The following SBNO2 variants were observed in gnomAD, a reference collection of about 807,000 sequenced individuals.
SBNO2 encodes the protein strawberry notch homolog 2, also known as protein strawberry notch homolog 2.
Under a neutral mutation model 146.3 loss-of-function variants are expected in SBNO2, and 89 were observed. The observed-to-expected ratio is 0.61, with a 90% CI of 0.51 to 0.73. The LOEUF (loss-of-function observed/expected upper bound fraction) is 0.73. Among genes scored for constraint, SBNO2 ranks in the 30% least tolerant of loss-of-function variants. SBNO2 has a pLI of 0.00. For synonymous variants in SBNO2, 1,147 were observed against 892.6 expected (o/e 1.29, Z -5.08); for missense variants, 2,092 against 2,003.7 (o/e 1.04, Z -0.84).
intron 1 of SBNO2, among the ~76,000 whole-genome samples, chr19:1,170,471 C>T (rs928532556): frequency 6.6e-6 from 1 of 152,132 alleles, no homozygotes. Context: ...CAGGCCAGGA[C>T]GAGAACCAGG....
intron 2 of SBNO2, among the ~76,000 whole-genome samples, chr19:1,153,627 T>G (rs1301177375): frequency 1.3e-5 from 2 of 151,938 alleles, no homozygotes; most frequent in South Asian, 2.1e-4. Context: ...AGCCTCTGCC[T>G]CCTAGATTTA....
At chr19:1,117,598 C>G in intron 14 of SBNO2, 99 bp from the exon 15 acceptor site, 1 of 1,277,992 alleles carries the variant, frequency 7.8e-7, no homozygotes, top group East Asian at 2.5e-5. Flanking sequence ...GGCATCCCCA[C>G]GCCAGGTGGA....
intron 4 of SBNO2, among the ~76,000 whole-genome samples, chr19:1,135,618 C>T (rs979917344): frequency 1.3e-5 from 2 of 152,238 alleles, no homozygotes; most frequent in East Asian, 1.9e-4. Flanking sequence ...TCTCTCCCTC[C>T]GCCTCTGTCC....
chr19:1,119,673 G>A lies in SBNO2; in HGVS notation c.1268-52C>T, dbSNP rs1039474163. 138 of 1,469,420 alleles carry A rather than the reference G, an allele frequency of 9.4e-5. 1 individual carries two copies. In the Admixed American group the frequency reaches 1.7e-3, roughly 18 times the overall value. The allele number at this position is 1,469,420 out of a possible 1,614,324, so 91.0% of individuals were successfully genotyped here. A position where few individuals can be genotyped will look rare whatever the true frequency, so the allele number is the denominator to read the frequency against. On this transcript the variant is annotated intron_variant, in intron 12 of 31. Transcript: ENST00000361757. ...CCCAACCCGGGAGGGCCCAGAGGCC[G>A]CGTCAGGGGACGACTAAGTTGGGAC...
chr19:1,144,091 C>T lies in SBNO2; in HGVS notation c.279+3218G>A, dbSNP rs904802581. ...TCAGGTCTGGGCTCCTTCCTGGCTC[C>T]GCAGAACCACGCGGCCCAGCCCACA... On this transcript the variant is annotated intron_variant, in intron 4 of 31. Transcript: ENST00000361757. The surrounding 1 kb of genome is among the most constrained non-coding windows in gnomAD (Gnocchi z 4.1). Among the ~76,000 whole-genome samples, 3 of 152,192 alleles carry T rather than the reference C, an allele frequency of 2.0e-5. No homozygotes were observed. The highest frequency in any genetic ancestry group is 7.2e-5 in the African/African-American group (3 of 41,444).
chr19:1,164,041 C>G (rs1051644034), intron 1 of SBNO2, among the ~76,000 whole-genome samples: 1 of 152,236 alleles, frequency 6.6e-6, no homozygotes, highest in Non-Finnish European at 1.5e-5. Context: ...AAGGACCTCC[C>G]TCCAGGTGGG....
intron 15 of SBNO2, 140 bp downstream of exon 15, chr19:1,117,183 G>A (rs2079842766): frequency 9.0e-6 from 8 of 891,448 alleles, no homozygotes; most frequent in Non-Finnish European, 1.3e-5. Flanking sequence ...ATTGGAAGAC[G>A]GACATCCGGG....
At chr19:1,162,175 T>C (rs1231453683) in intron 1 of SBNO2, among the ~76,000 whole-genome samples, 7 of 7,272 alleles carry the variant, frequency 9.6e-4, no homozygotes, top group Admixed American at 5.8e-3. Context: ...TTTAAAATAA[T>C]ACAGCCGGGA....
At chr19:1,135,476 A>G (rs1192763937) in intron 4 of SBNO2, among the ~76,000 whole-genome samples, 9 of 152,252 alleles carry the variant, frequency 5.9e-5, no homozygotes, top group Admixed American at 5.9e-4. Context: ...CCAGGCCCCA[A>G]TGTGACAGCA....
rs529165720 is a variant in SBNO2 at position 1,152,469 on chromosome 19, TG to T, written c.93+1714del. 7.6e-4 allele frequency among the ~76,000 whole-genome samples: 116 copies of T among 152,184 alleles called. 4 individuals carry two copies. The South Asian group carries it at 0.023, about 31-fold the overall frequency. On this transcript the variant is annotated intron_variant, in intron 2 of 31. Transcript: ENST00000361757. The stretch of plus-strand genomic sequence containing the variant: ...GTTTCGGGGGATGGAGCTGTTCCGG[TG>T]GGGATGTGGCTTGGCCAGTCCCCTT...
intron 8 of SBNO2, 48 bp from the exon 9 acceptor site, chr19:1,122,839 C>G: frequency 6.5e-7 from 1 of 1,537,918 alleles, no homozygotes; most frequent in Non-Finnish European, 8.7e-7. Flanking sequence ...TGGCCCGGCC[C>G]CTCCCCAGGG....
chr19:1,174,212 T>G lies in SBNO2; in HGVS notation c.-167A>C, dbSNP rs1346903590. The G allele has an allele frequency of 6.6e-6, 1 of 151,574 alleles. No individual in the cohort carries two copies. The highest frequency in any genetic ancestry group is 1.5e-5 in the Non-Finnish European group (1 of 67,838). The allele number at this position is 151,574 out of a possible 1,614,324, so 9.4% of individuals were successfully genotyped here. A position where few individuals can be genotyped will look rare whatever the true frequency, so the allele number is the denominator to read the frequency against. On this transcript the variant is annotated 5_prime_UTR_variant, in exon 1 of 32. Coordinates refer to ENST00000361757, the MANE Select transcript of SBNO2 (RefSeq NM_014963.3). ...GGCCGGGCGCGGAGCCCGCGGCGCC[T>G]GTTTCTCCGAGCCTCGCAGCTGCCG...
At chr19:1,172,980 C>G (rs1197644169) in intron 1 of SBNO2, among the ~76,000 whole-genome samples, 1 of 113,842 alleles carries the variant, frequency 8.8e-6, no homozygotes, top group African/African-American at 3.3e-5. Context: ...CCCGGCTACA[C>G]ATTTAAGAGA....
At chr19:1,138,279 C>T (rs750130642) in intron 4 of SBNO2, among the ~76,000 whole-genome samples, 22 of 127,522 alleles carry the variant, frequency 1.7e-4, no homozygotes, top group Non-Finnish European at 3.3e-4. Flanking sequence ...CACACAGAAA[C>T]AGGTGCCGGA....
In SBNO2 at chr19:1,144,681, G is replaced by A. The variant is rs903531487; in HGVS notation, c.279+2628C>T. Among the ~76,000 whole-genome samples, 3 of 151,958 alleles carry A rather than the reference G, an allele frequency of 2.0e-5. No homozygotes were observed. The highest frequency in any genetic ancestry group is 4.4e-5 in the Non-Finnish European group (3 of 67,988). ...GCAGAGAGGGAAACAGACGAAGACA[G>A]AGAGGGCGACAGAGACAGAGAGGGA... On this transcript the variant is annotated intron_variant, in intron 4 of 31. Coordinates refer to ENST00000361757, the MANE Select transcript of SBNO2 (RefSeq NM_014963.3). This position sits in a 1 kb window ranked among gnomAD's most constrained non-coding sequence, Gnocchi z 4.1.
intron 1 of SBNO2, among the ~76,000 whole-genome samples, chr19:1,163,070 A>G (rs2080365007): frequency 6.6e-6 from 1 of 152,206 alleles, no homozygotes. Flanking sequence ...CCTGAGGTGC[A>G]AGAGGGAGTG....
chr19:1,123,978 C>A lies in SBNO2; in HGVS notation c.486G>T (p.Leu162=). The A allele has an allele frequency of 6.2e-7, 1 of 1,612,034 alleles. No homozygotes were observed. Among genetic ancestry groups the A allele is most frequent in the Non-Finnish European group, 8.5e-7 (1 of 1,179,400 alleles). The change falls in exon 6 of 32, where the codon CTG becomes CTT. Residue 162 remains leucine, a synonymous_variant. Coordinates refer to ENST00000361757, the MANE Select transcript of SBNO2 (RefSeq NM_014963.3). ...CGAGAAGCGGGGTGCTGTGGGAGGG[C>A]AGAAAGTCCTCGAAGCCTGCAAACG... ...SRPFAGFEDF[L]PSHSTPLLVS... is the part of the protein sequence containing the mutation.
In SBNO2 at chr19:1,158,658, T is replaced by C. The variant is rs1372960549; in HGVS notation, c.-126-4256A>G. 6.6e-6 allele frequency among the ~76,000 whole-genome samples: 1 copy of C among 152,104 alleles called. No homozygotes were observed. Among genetic ancestry groups the C allele is most frequent in the Non-Finnish European group, 1.5e-5 (1 of 68,008 alleles). ...CCCGGGCGAGCGGGCGCGACCGTGG[T>C]GATGGAGCCCGGCAGAGGCCACCGC... On this transcript the variant is annotated intron_variant, in intron 1 of 31. Transcript: ENST00000361757. This position sits in a 1 kb window ranked among gnomAD's most constrained non-coding sequence, Gnocchi z 9.9.
intron 1 of SBNO2, among the ~76,000 whole-genome samples, chr19:1,168,019 G>A (rs1314180457): frequency 6.6e-6 from 1 of 152,098 alleles, no homozygotes; most frequent in Non-Finnish European, 1.5e-5. Context: ...GCTGGGGGAG[G>A]GGGCCACACA....
Sources: gnomAD v4.1 joint callset for allele counts (sites outside exome capture counted in the v4.1 genomes callset) on GRCh38, gnomAD v4.1.1 for gene constraint, Gnocchi (gnomAD v3.1) non-coding constraint, MANE v1.5 for transcripts, NCBI Gene and HGNC (gene_info 2026-07-23, HGNC 2026-07-21) for gene names.